TRIM23: variants seen among roughly 807,000 people sequenced by gnomAD.
TRIM23 encodes the protein tripartite motif containing 23.
Under a neutral mutation model 71.0 loss-of-function variants are expected in TRIM23, and 27 were observed. That is an observed-to-expected ratio of 0.38 (90% CI 0.28 to 0.52). The LOEUF is 0.52. Among genes scored for constraint, TRIM23 ranks in the 20% least tolerant of loss-of-function variants. The pLI is 0.84. For missense variants in TRIM23, 482 were observed against 692.3 expected (o/e 0.70, Z 3.41); for synonymous variants, 234 against 238.0 (o/e 0.98, Z 0.16).
At chr5:65,612,465 T>C (rs1029508492) in intron 3 of TRIM23, among the ~76,000 whole-genome samples, 1 of 152,084 alleles carries the variant, frequency 6.6e-6, no homozygotes, top group African/African-American at 2.4e-5. Flanking sequence ...GTTATTTTAA[T>C]AGCTCCACAG....
At chr5:65,597,848 T>A (rs532390416) in intron 7 of TRIM23, among the ~76,000 whole-genome samples, 1 of 152,308 alleles carries the variant, frequency 6.6e-6, no homozygotes, top group South Asian at 2.1e-4. Flanking sequence ...ACTAGCTGCA[T>A]GATTTCTCTG....
chr5:65,602,514 A>AC (rs776748449), intron 7 of TRIM23, among the ~76,000 whole-genome samples: 5 of 151,746 alleles, frequency 3.3e-5, no homozygotes, highest in Non-Finnish European at 7.4e-5. Context: ...AAACTGTTCC[A>AC]CCCTCTACCT....
intron 8 of TRIM23, 27 bp from the exon 9 acceptor site, chr5:65,596,558 T>C (rs1163385013): frequency 7.3e-7 from 1 of 1,363,030 alleles, no homozygotes; most frequent in Non-Finnish European, 1.0e-6. Context: ...GTTACTTTTA[T>C]ACTATATTTG....
chr5:65,597,894 A>G (rs1245137303), intron 7 of TRIM23, among the ~76,000 whole-genome samples: 1 of 152,194 alleles, frequency 6.6e-6, no homozygotes, highest in East Asian at 1.9e-4. Context: ...GAGGATTAAA[A>G]TAGTACAAAA....
chr5:65,592,328 G>A (rs181325), intron 10 of TRIM23, among the ~76,000 whole-genome samples: 4 of 152,038 alleles, frequency 2.6e-5, no homozygotes, highest in African/African-American at 7.2e-5. Context: ...TGGTTCAAGC[G>A]ATTCTCCTGC....
chr5:65,602,198 C>A (rs1050610828), intron 7 of TRIM23, among the ~76,000 whole-genome samples: 5 of 152,202 alleles, frequency 3.3e-5, no homozygotes, highest in Non-Finnish European at 5.9e-5. Context: ...AGGCCTTTAA[C>A]AGAACCCAAG....
chr5:65,600,265 A>G (rs548818807), intron 7 of TRIM23, among the ~76,000 whole-genome samples: 12 of 152,328 alleles, frequency 7.9e-5, no homozygotes, highest in Admixed American at 3.3e-4. Flanking sequence ...ACATAGATCC[A>G]AGCCATATCA....
At position 65,591,157 on chromosome 5, in the gene TRIM23, G is replaced by C; in HGVS notation, c.*612C>G. On this transcript the variant is annotated 3_prime_UTR_variant, in exon 11 of 11. Transcript: ENST00000231524. The stretch of plus-strand genomic sequence containing the variant: ...GTGTTTTATACAAAATGCTGTAGGA[G>C]AAAGTTAATAAAACACTATATAAAG... 2.8e-6 allele frequency: 3 copies of C among 1,063,922 alleles called. No homozygotes were observed. Among genetic ancestry groups the C allele is most frequent in the Non-Finnish European group, 3.4e-6 (3 of 880,208 alleles). The allele number at this position is 1,063,922 out of a possible 1,614,324, so 65.9% of individuals were successfully genotyped here.
rs1003873780 is a variant in TRIM23 at position 65,590,134 on chromosome 5, A to C, written c.*1635T>G. 2.0e-6 allele frequency: 1 copy of C among 498,086 alleles called. No homozygotes were observed. 30.9% of individuals were successfully genotyped at this position (498,086 alleles called of 1,614,324 possible). A position where few individuals can be genotyped will look rare whatever the true frequency, so the allele number is the denominator to read the frequency against. On this transcript the variant is annotated 3_prime_UTR_variant, in exon 11 of 11. Transcript: ENST00000231524. Reference sequence around the variant, plus strand: ...GTGAAAAGGGAAGCAAGTTCACCTTAGTGTTACACTTTTTCTTCAATTAAC... The same window carrying C: ...GTGAAAAGGGAAGCAAGTTCACCTTCGTGTTACACTTTTTCTTCAATTAAC...
intron 1 of TRIM23, among the ~76,000 whole-genome samples, chr5:65,622,251 C>T (rs1490999081): frequency 2.0e-5 from 3 of 152,280 alleles, no homozygotes; most frequent in East Asian, 3.9e-4. Flanking sequence ...CTGCAACCTC[C>T]GCCTCCTGGG....
At chr5:65,597,021 A>G (rs762849779) in intron 8 of TRIM23, 30 bp downstream of exon 8, 13 of 1,611,550 alleles carry the variant, frequency 8.1e-6, no homozygotes, top group Non-Finnish European at 1.1e-5. Context: ...GGGTTTGTCT[A>G]TTAAGGTAAA....
chr5:65,611,026 T>G lies in TRIM23; in HGVS notation c.663A>C (p.Pro221=). 1 of 1,612,912 alleles carries G rather than the reference T, an allele frequency of 6.2e-7. No individual in the cohort carries two copies. The highest frequency in any genetic ancestry group is 8.5e-7 in the Non-Finnish European group (1 of 1,179,692). ...HQGHKHSVLE[P]EANQIRASIL... ...TTGATGCTCGGATCTGATTAGCTTCTGGTTCCAATACTGAATGCTATAAAA... is the reference window on the plus strand; with the variant it reads ...TTGATGCTCGGATCTGATTAGCTTCGGGTTCCAATACTGAATGCTATAAAA... The change falls in exon 5 of 11, where the codon CCA becomes CCC. Residue 221 remains proline (P), a synonymous_variant. Transcript: ENST00000231524.
At position 65,624,247 on chromosome 5, in the gene TRIM23, C is replaced by G. The variant is rs1755049948; in HGVS notation, c.28G>C (p.Gly10Arg). MATLVVNKL[G>R]AGVDSGRQGS... ...TGCCGGCCACTGTCTACTCCCGCTC[C>G]GAGCTTGTTTACAACCAGGGTAGCC... The change falls in exon 1 of 11, where the codon GGA (glycine) becomes CGA (arginine). Residue 10 changes from glycine to arginine, a missense_variant. Transcript: ENST00000231524. The G allele has an allele frequency of 1.2e-6, 2 of 1,614,212 alleles. No individual in the cohort carries two copies. The highest frequency in any genetic ancestry group is 1.7e-5 in the Admixed American group (1 of 60,026).
intron 2 of TRIM23, among the ~76,000 whole-genome samples, chr5:65,614,909 T>G (rs545906736): frequency 5.9e-5 from 9 of 152,320 alleles, no homozygotes; most frequent in Admixed American, 5.2e-4. Context: ...TCTTTTACTT[T>G]TTTTTTGAGA....
At chr5:65,613,244 A>ATAAAGAT (rs1457842672) in intron 3 of TRIM23, among the ~76,000 whole-genome samples, 3 of 152,248 alleles carry the variant, frequency 2.0e-5, no homozygotes, top group Non-Finnish European at 2.9e-5. Context: ...GTCTTTTGAA[A>ATAAAGAT]TAAAGATTAA....
intron 2 of TRIM23, among the ~76,000 whole-genome samples, chr5:65,615,435 T>C (rs189244321): frequency 9.9e-4 from 150 of 152,216 alleles, no homozygotes; most frequent in African/African-American, 3.4e-3. Flanking sequence ...ACATCTGATA[T>C]AGCTGCCACC....
rs2150616520 is a variant in TRIM23, at chr5:65,590,483, T to C, written c.*1286A>G. 1 of 1,251,270 alleles carries C rather than the reference T, an allele frequency of 8.0e-7. No individual in the cohort carries two copies. Among genetic ancestry groups the C allele is most frequent in the South Asian group, 3.0e-5 (1 of 32,848 alleles). 77.5% of individuals were successfully genotyped at this position (1,251,270 alleles called of 1,614,324 possible). On this transcript the variant is annotated 3_prime_UTR_variant, in exon 11 of 11. Transcript: ENST00000231524. ...GTCACATCTTGTTACCAGACATCAC[T>C]GTCCTTACAACAATTCAACTAATAA...
In TRIM23 at chr5:65,590,461, A is replaced by C; in HGVS notation, c.*1308T>G. The C allele has an allele frequency of 7.8e-7, 1 of 1,281,300 alleles. No individual in the cohort carries two copies. Among genetic ancestry groups the C allele is most frequent in the Non-Finnish European group, 1.0e-6 (1 of 1,004,628 alleles). 79.4% of individuals were successfully genotyped at this position (1,281,300 alleles called of 1,614,324 possible). ...ACCACAACAGTGCTACCAAAAAGTC[A>C]CATCTTGTTACCAGACATCACTGTC... On this transcript the variant is annotated 3_prime_UTR_variant, in exon 11 of 11. Transcript: ENST00000231524.
At chr5:65,605,640 A>C (rs1305414188) in intron 6 of TRIM23, among the ~76,000 whole-genome samples, 1 of 152,148 alleles carries the variant, frequency 6.6e-6, no homozygotes, top group African/African-American at 2.4e-5. Context: ...GTATTCGTTA[A>C]AAAAAATAAA....
Sources: gnomAD v4.1 joint callset for allele counts (sites outside exome capture counted in the v4.1 genomes callset) on GRCh38, gnomAD v4.1.1 for gene constraint, MANE v1.5 for transcripts, NCBI Gene and HGNC (gene_info 2026-07-23, HGNC 2026-07-21) for gene names.